The following CEP295 variants were observed in gnomAD, a reference collection of about 807,000 sequenced individuals.
CEP295 encodes centrosomal protein of 295 kDa.
In CEP295, 190 loss-of-function variants were observed where a neutral mutation model predicts 291.6. That is an observed-to-expected ratio of 0.65 (90% confidence interval 0.58 to 0.73). CEP295 has a LOEUF of 0.73. CEP295 is among the 30% of genes least tolerant of loss of function. The pLI is 0.00. For synonymous variants in CEP295, 993 were observed against 1,038.8 expected, an observed-to-expected ratio of 0.96 and a Z score of 0.85; for missense variants, 2,863 against 2,949.4, an observed-to-expected ratio of 0.97 and a Z score of 0.68.
intron 25 of CEP295, 73 bp downstream of exon 25, chr11:93,728,894 G>A: frequency 7.5e-7 from 1 of 1,339,348 alleles, no homozygotes; most frequent in Non-Finnish European, 1.0e-6. Context: ...CAACTTATCA[G>A]AAGGTACTCA....
chr11:93,687,128 G>A (rs1951282681), intron 9 of CEP295, among the ~76,000 whole-genome samples: 1 of 152,140 alleles, frequency 6.6e-6, no homozygotes, highest in East Asian at 1.9e-4. Flanking sequence ...GTGTGAAGAT[G>A]GGTGGGAGAC....
chr11:93,726,472 C>T lies in CEP295; in HGVS notation c.6500-504C>T, dbSNP rs190879607. On this transcript the variant is annotated intron_variant, in intron 23 of 29. Transcript: ENST00000325212. ...TTCTTAGGCCAAGTATAGTGGCTCA[C>T]GCCTGTAATCCTAGCACTTTGGGAA... is the stretch of plus-strand genomic sequence containing the variant. Among the ~76,000 whole-genome samples the T allele has an allele frequency of 5.1e-3, 770 of 152,296 alleles. 10 individuals carry two copies. Among genetic ancestry groups the T allele is most frequent in the African/African-American group, 0.017 (706 of 41,558 alleles).
intron 1 of CEP295, among the ~76,000 whole-genome samples, chr11:93,664,627 C>G (rs993705319): frequency 6.6e-6 from 1 of 152,160 alleles, no homozygotes; most frequent in African/African-American, 2.4e-5. Flanking sequence ...TTCATTCAGT[C>G]AACACACTTA....
intron 5 of CEP295, among the ~76,000 whole-genome samples, chr11:93,670,622 C>T (rs1352673408): frequency 6.6e-6 from 1 of 152,104 alleles, no homozygotes; most frequent in African/African-American, 2.4e-5. Context: ...AGTTTGTCAG[C>T]CTTCCTGCTT....
chr11:93,730,097 A>C lies in CEP295; in HGVS notation c.7716A>C (p.Thr2572=). Residue 2572 remains threonine (T), a synonymous_variant, in exon 29 of 30, where the codon ACA becomes ACC. Transcript: ENST00000325212. Reference sequence around the variant, plus strand: ...TGAAACAACAAAAGGAAGAAAAAACAAAACAAGAAGCTTATGCCCAAAACA... The same window carrying C: ...TGAAACAACAAAAGGAAGAAAAAACCAAACAAGAAGCTTATGCCCAAAACA... ...AEVKQQKEEK[T]KQEAYAQNRA... is the part of the protein sequence containing the mutation. The C allele has an allele frequency of 6.4e-7, 1 of 1,551,350 alleles. No homozygotes were observed.
intron 25 of CEP295, chr11:93,729,079 C>G (rs903915758): frequency 1.0e-5 from 5 of 497,168 alleles, no homozygotes; most frequent in South Asian, 3.3e-5. Flanking sequence ...GTTATAGTGC[C>G]AAGTTGGAAG....
chr11:93,703,970 C>A (rs1358846680), intron 17 of CEP295, among the ~76,000 whole-genome samples: 1 of 151,812 alleles, frequency 6.6e-6, no homozygotes, highest in African/African-American at 2.4e-5. Context: ...GGGATTTCAC[C>A]GTGTTTGCCA....
At chr11:93,721,000 CA>C (rs1212008848) in intron 18 of CEP295, among the ~76,000 whole-genome samples, 2 of 152,308 alleles carry the variant, frequency 1.3e-5, no homozygotes, top group East Asian at 3.9e-4. Flanking sequence ...AAAACAGTGG[CA>C]AAAGCATTTC....
Position 93,699,782 on chromosome 11 carries a change from C to T in CEP295, c.4870C>T (p.Leu1624=). The change falls in exon 15 of 30, where the codon CTG becomes TTG. Residue 1624 remains leucine (L), a synonymous_variant. Transcript: ENST00000325212. ...TTCTTATGAGAAACCCCAGGAAGAACTGTCTTTAAACAAACAAAGAAAGTT... is the reference window on the plus strand; with the variant it reads ...TTCTTATGAGAAACCCCAGGAAGAATTGTCTTTAAACAAACAAAGAAAGTT... ...MYSYEKPQEE[L]SLNKQRKLNK... is the part of the protein sequence containing the mutation. The T allele has an allele frequency of 2.6e-6, 4 of 1,552,164 alleles. No individual in the cohort carries two copies. Among genetic ancestry groups the T allele is most frequent in the East Asian group, 4.9e-5 (2 of 40,904 alleles).
At chr11:93,671,454 A>G (rs903256675) in intron 5 of CEP295, among the ~76,000 whole-genome samples, 15 of 152,102 alleles carry the variant, frequency 9.9e-5, no homozygotes, top group African/African-American at 3.6e-4. Context: ...CCGTGACTCC[A>G]TGAGCATTTC....
chr11:93,696,443 G>C, intron 14 of CEP295, 26 bp downstream of exon 14: 1 of 1,311,130 alleles, frequency 7.6e-7, no homozygotes, highest in Non-Finnish European at 1.1e-6. Flanking sequence ...TAATTTATAT[G>C]TGATCGTATG....
chr11:93,710,508 T>C (rs1952823684), intron 18 of CEP295, among the ~76,000 whole-genome samples: 1 of 152,238 alleles, frequency 6.6e-6, no homozygotes, highest in Non-Finnish European at 1.5e-5. Flanking sequence ...CTTTTTAATG[T>C]GTTGTTGAAT....
Position 93,725,961 on chromosome 11 carries a change from A to T in CEP295, c.6499+130A>T, listed in dbSNP as rs1017233095. On this transcript the variant is annotated intron_variant, in intron 23 of 29. Coordinates refer to ENST00000325212, the MANE Select transcript of CEP295 (RefSeq NM_033395.2). Reference sequence around the variant, plus strand: ...TCACCCCTATCCTGGGTGTTAAAAAATATTTAAATTACAGAAGTAATACAT... The same window carrying T: ...TCACCCCTATCCTGGGTGTTAAAAATTATTTAAATTACAGAAGTAATACAT... The T allele has an allele frequency of 4.0e-5, 27 of 668,546 alleles. No homozygotes were observed. The African/African-American group carries it at 4.7e-4, about 12-fold the overall frequency. The allele number at this position is 668,546 out of a possible 1,614,324, so 41.4% of individuals were successfully genotyped here. A position where few individuals can be genotyped will look rare whatever the true frequency, so the allele number is the denominator to read the frequency against.
At chr11:93,673,858 G>A (rs1950560824) in intron 5 of CEP295, among the ~76,000 whole-genome samples, 1 of 152,040 alleles carries the variant, frequency 6.6e-6, no homozygotes, top group African/African-American at 2.4e-5. Context: ...CGTTTGGTGT[G>A]GGGCCAAGAC....
chr11:93,673,546 G>A (rs185038935), intron 5 of CEP295, among the ~76,000 whole-genome samples: 1 of 150,954 alleles, frequency 6.6e-6, no homozygotes, highest in Admixed American at 6.6e-5. Flanking sequence ...CAGGCTGGAG[G>A]GCAGTGGTGC....
intron 1 of CEP295, among the ~76,000 whole-genome samples, chr11:93,663,286 T>C (rs1356125633): frequency 6.6e-6 from 1 of 152,240 alleles, no homozygotes; most frequent in African/African-American, 2.4e-5. Context: ...GGTCTACCCA[T>C]TGTTACTTCC....
At chr11:93,718,836 C>T (rs557249001) in intron 18 of CEP295, among the ~76,000 whole-genome samples, 1 of 152,288 alleles carries the variant, frequency 6.6e-6, no homozygotes, top group South Asian at 2.1e-4. Context: ...GTCAGCCAGG[C>T]ACGGTGGCTC....
At chr11:93,730,018 T>TTG in intron 28 of CEP295, 31 bp from the exon 29 acceptor site, 1 of 1,515,782 alleles carries the variant, frequency 6.6e-7, no homozygotes, top group Non-Finnish European at 8.8e-7. Flanking sequence ...TTTGCAGTGT[T>TTG]TGTCTCTAAT....
Position 93,669,667 on chromosome 11 carries a change from G to A in CEP295, c.435-10G>A. ...GAGAGATTAATTGATGACATCTCTT[G>A]TTTCTTAAGGCATATAAAAGCTCGA... On this transcript the variant is annotated splice_polypyrimidine_tract_variant and intron_variant, in intron 4 of 29. Transcript: ENST00000325212. 4 of 1,529,846 alleles carry A rather than the reference G, an allele frequency of 2.6e-6. No individual in the cohort carries two copies. Among genetic ancestry groups the A allele is most frequent in the Non-Finnish European group, 3.5e-6 (4 of 1,127,912 alleles). 94.8% of individuals were successfully genotyped at this position (1,529,846 alleles called of 1,614,324 possible). A position where few individuals can be genotyped will look rare whatever the true frequency, so the allele number is the denominator to read the frequency against.
Sources: allele counts gnomAD v4.1 joint callset (sites outside exome capture counted in the v4.1 genomes callset), GRCh38; gene constraint gnomAD v4.1.1; transcripts MANE v1.5; gene names NCBI Gene and HGNC (gene_info 2026-07-23, HGNC 2026-07-21).